The following ZC3H4 variants were observed in gnomAD, a reference collection of about 807,000 sequenced individuals.
ZC3H4 encodes the protein zinc finger CCCH-type containing 4.
Under a neutral mutation model 108.3 loss-of-function variants are expected in ZC3H4, and 13 were observed. The ratio of observed to expected loss-of-function variants is 0.12; its 90% CI spans 0.08 to 0.19. The LOEUF is 0.19. Ranked by LOEUF, ZC3H4 falls within the 10% of genes least tolerant of loss-of-function variation. The pLI, the probability that ZC3H4 is intolerant of heterozygous loss-of-function variation, is 1.00. For missense variants in ZC3H4, 1,734 were observed against 1,838.8 expected, an observed-to-expected ratio of 0.94 and a Z score of 1.04; for synonymous variants, 917 against 749.6, an observed-to-expected ratio of 1.22 and a Z score of -3.65.
At chr19:47,093,894 C>T (rs2057777717) in intron 4 of ZC3H4, 76 bp downstream of exon 4, 2 of 1,337,726 alleles carry the variant, frequency 1.5e-6, no homozygotes, top group East Asian at 2.3e-5. Context: ...GCCCAGAACA[C>T]AGCAAGTGCT....
intron 2 of ZC3H4, among the ~76,000 whole-genome samples, chr19:47,104,645 C>T (rs1186560010): frequency 6.6e-6 from 1 of 152,202 alleles, no homozygotes; most frequent in Non-Finnish European, 1.5e-5. Context: ...TCCAAATAAG[C>T]TTGAAAGTGA....
At position 47,086,279 on chromosome 19, in the gene ZC3H4, C is replaced by T. The variant is rs960066757; in HGVS notation, c.870+105G>A. The T allele has an allele frequency of 1.1e-5, 14 of 1,329,922 alleles. No homozygotes were observed. In the African/African-American group the frequency reaches 1.2e-4, roughly 11 times the overall value. The allele number at this position is 1,329,922 out of a possible 1,614,324, so 82.4% of individuals were successfully genotyped here. A position where few individuals can be genotyped will look rare whatever the true frequency, so the allele number is the denominator to read the frequency against. ...GAGGCTTCCCTTCCTTCAGAAGGGC[C>T]GTATGTCTTCCTACCTTGGCCTCAC... is the stretch of plus-strand genomic sequence containing the variant. On this transcript the variant is annotated intron_variant, in intron 6 of 14. Coordinates refer to ENST00000253048, the MANE Select transcript of ZC3H4 (RefSeq NM_015168.2).
Position 47,090,375 on chromosome 19 carries a change from G to A in ZC3H4, c.493-186C>T, listed in dbSNP as rs564864260. On this transcript the variant is annotated intron_variant, in intron 4 of 14. Transcript: ENST00000253048. ...CGTACCAGGGAGTGGGAGTAGCAGC[G>A]GGCCCAAGTGTTTCTGTTCTTCATA... Among the ~76,000 whole-genome samples the A allele has an allele frequency of 1.1e-4, 17 of 152,224 alleles. No homozygotes were observed. The South Asian group carries it at 1.5e-3, about 13-fold the overall frequency.
Position 47,094,191 on chromosome 19 carries a change from C to T in ZC3H4, c.382-111G>A, listed in dbSNP as rs1031091140. ...ATGTGCCGCAGGGCTCTGCGCTTCACCTGAAACACCTCACCTGGGGCACTT... is the reference window on the plus strand; with the variant it reads ...ATGTGCCGCAGGGCTCTGCGCTTCATCTGAAACACCTCACCTGGGGCACTT... On this transcript the variant is annotated intron_variant, in intron 3 of 14. Transcript: ENST00000253048. The T allele has an allele frequency of 6.0e-6, 7 of 1,165,172 alleles. No homozygotes were observed. In the Admixed American group the frequency reaches 1.2e-4, roughly 20 times the overall value. The allele number at this position is 1,165,172 out of a possible 1,614,324, so 72.2% of individuals were successfully genotyped here.
At chr19:47,069,452 G>A (rs935937883) in intron 13 of ZC3H4, 109 bp from the exon 14 acceptor site, 69 of 1,390,136 alleles carry the variant, frequency 5.0e-5, no homozygotes, top group Middle Eastern at 2.2e-4. Flanking sequence ...GGAGAAGGAC[G>A]CACAGCCTGC....
Position 47,072,898 on chromosome 19 carries a change from C to A in ZC3H4, c.1441-185G>T, listed in dbSNP as rs544502550. Among the ~76,000 whole-genome samples, 5 of 152,258 alleles carry A rather than the reference C, an allele frequency of 3.3e-5. No homozygotes were observed. Among genetic ancestry groups the A allele is most frequent in the Non-Finnish European group, 5.9e-5 (4 of 68,004 alleles). ...ATCAGCCACCTCTCTGCTCCACTCT[C>A]GGGGACCAGCTGGTAGAGGGGGGGC... On this transcript the variant is annotated intron_variant, in intron 11 of 14. Transcript: ENST00000253048. This position sits in a 1 kb window ranked among gnomAD's most constrained non-coding sequence, Gnocchi z 5.6.
Position 47,067,109 on chromosome 19 carries a change from G to C in ZC3H4, c.3159C>G (p.Val1053=), listed in dbSNP as rs780527350. Residue 1053 remains valine (V), a synonymous_variant, in exon 15 of 15, where the codon GTC becomes GTG. Transcript: ENST00000253048. This position sits in a 1 kb window ranked among gnomAD's most constrained non-coding sequence, Gnocchi z 6.4. ...FELLSRILKT[V]NATGSSAAPG... ...GGGCGGCCGAGGAGCCGGTGGCATT[G>C]ACTGTCTTGAGGATGCGAGACAGAA... The C allele has an allele frequency of 6.2e-7, 1 of 1,611,890 alleles. No individual in the cohort carries two copies. The highest frequency in any genetic ancestry group is 1.1e-5 in the South Asian group (1 of 90,846).
At chr19:47,112,277 CGA>C (rs1480401492) in intron 2 of ZC3H4, 145 bp downstream of exon 2, 84 of 1,121,506 alleles carry the variant, frequency 7.5e-5, no homozygotes, top group Non-Finnish European at 8.8e-5. Context: ...AGCAAGCGAT[CGA>C]GAGACACCCA....
intron 2 of ZC3H4, 82 bp from the exon 3 acceptor site, chr19:47,094,690 G>T: frequency 1.4e-6 from 2 of 1,437,440 alleles, no homozygotes; most frequent in Non-Finnish European, 1.9e-6. Flanking sequence ...AAGGCTGACA[G>T]GAACCGAAGG....
intron 6 of ZC3H4, 141 bp from the exon 7 acceptor site, chr19:47,085,555 A>G: frequency 1.4e-6 from 1 of 722,222 alleles, no homozygotes; most frequent in Non-Finnish European, 2.2e-6. Context: ...CAGCCTGACG[A>G]CAGGTGGTCC....
Position 47,084,381 on chromosome 19 carries a change from G to A in ZC3H4, c.1182C>T (p.Val394=). 6.2e-7 allele frequency: 1 copy of A among 1,614,208 alleles called. No individual in the cohort carries two copies. Among genetic ancestry groups the A allele is most frequent in the South Asian group, 1.1e-5 (1 of 91,088 alleles). Reference sequence around the variant, plus strand: ...GCCCTTCCACGAAGTACTTGCAAATGACTTTGCCTTTCTTGTCCGACTGCT... The same window carrying A: ...GCCCTTCCACGAAGTACTTGCAAATAACTTTGCCTTTCTTGTCCGACTGCT... ...PHQQSDKKGK[V]ICKYFVEGRC... Residue 394 remains valine, a synonymous_variant, in exon 9 of 15, where the codon GTC becomes GTT. Transcript: ENST00000253048.
At chr19:47,081,712 T>C (rs2057526782) in intron 10 of ZC3H4, 90 bp from the exon 11 acceptor site, 1 of 1,163,688 alleles carries the variant, frequency 8.6e-7, no homozygotes, top group Non-Finnish European at 1.3e-6. Flanking sequence ...TCCCTTTGTT[T>C]TGGAGATAAG....
intron 2 of ZC3H4, among the ~76,000 whole-genome samples, chr19:47,109,278 G>A (rs527509347): frequency 3.3e-5 from 5 of 152,272 alleles, no homozygotes; most frequent in South Asian, 2.1e-4. Flanking sequence ...ACAATAAACC[G>A]TTGTGTTGAC....
Position 47,069,110 on chromosome 19 carries a change from C to T in ZC3H4, c.2380G>A (p.Asp794Asn). Residue 794 changes from aspartate (D) to asparagine (N), a missense_variant, in exon 14 of 15, where the codon GAC becomes AAC. Physicochemically the swap from Asp to Asn is conservative, Grantham distance 23. Coordinates refer to ENST00000253048, the MANE Select transcript of ZC3H4 (RefSeq NM_015168.2). ...CACGTGCCTTCCTCATTCTCCCGGTCCTGCTTGCTGCTCTCAGCCAGCCTC... is the reference window on the plus strand; with the variant it reads ...CACGTGCCTTCCTCATTCTCCCGGTTCTGCTTGCTGCTCTCAGCCAGCCTC... ...ARRLAESSKQ[D>N]RENEEGDTGN... 1.2e-6 allele frequency: 2 copies of T among 1,604,098 alleles called. No homozygotes were observed. Among genetic ancestry groups the T allele is most frequent in the Non-Finnish European group, 1.7e-6 (2 of 1,179,916 alleles).
Position 47,112,593 on chromosome 19 carries a change from TGGGGG to T in ZC3H4, c.-5-9_-5-5del. On this transcript the variant is annotated splice_region_variant and splice_polypyrimidine_tract_variant and intron_variant, in intron 1 of 14. Coordinates refer to ENST00000253048, the MANE Select transcript of ZC3H4 (RefSeq NM_015168.2). ...CCGGGCGCGGCCTCCATAGTTCCTT[TGGGGG>T]GGAGGGGATGTTAATGCACGAAAAA... 2.6e-6 allele frequency: 3 copies of T among 1,162,382 alleles called. No homozygotes were observed. The highest frequency in any genetic ancestry group is 3.2e-6 in the Non-Finnish European group (3 of 934,756). 72.0% of individuals were successfully genotyped at this position (1,162,382 alleles called of 1,614,324 possible).
In ZC3H4 at chr19:47,094,033, C is replaced by T. The variant is rs2057781293; in HGVS notation, c.429G>A (p.Ser143=). Residue 143 remains serine, a synonymous_variant, in exon 4 of 15, where the codon TCG becomes TCA. Transcript: ENST00000253048. ...SDDFSDFSDD[S]DFSPSEKGHR... is the part of the protein sequence containing the mutation. ...GACCTTTCTCACTGGGGCTGAAATC[C>T]GAGTCATCTGAGAAGTCAGAGAAGT... The T allele has an allele frequency of 1.2e-5, 20 of 1,614,012 alleles. No homozygotes were observed. Among genetic ancestry groups the T allele is most frequent in the East Asian group, 2.2e-5 (1 of 44,880 alleles).
In ZC3H4 at chr19:47,086,548, G is replaced by C. The variant is rs779011132; in HGVS notation, c.716-10C>G. ...CCCCGGCCTCGGCTGCCTGCATGGA[G>C]ATTCAGATAGTGAGCCTCCAGCAGG... On this transcript the variant is annotated splice_polypyrimidine_tract_variant and intron_variant, in intron 5 of 14. Coordinates refer to ENST00000253048, the MANE Select transcript of ZC3H4 (RefSeq NM_015168.2). 1.3e-6 allele frequency: 2 copies of C among 1,570,994 alleles called. No homozygotes were observed. The highest frequency in any genetic ancestry group is 8.6e-7 in the Non-Finnish European group (1 of 1,167,612).
At chr19:47,089,881 A>G (rs1022591992) in intron 5 of ZC3H4, 86 bp downstream of exon 5, 2 of 1,427,190 alleles carry the variant, frequency 1.4e-6, no homozygotes, top group African/African-American at 2.8e-5. Context: ...AAGTGACCAA[A>G]CTTGAGGTTC....
chr19:47,083,836 T>C (rs1217995331), intron 9 of ZC3H4, among the ~76,000 whole-genome samples: 1 of 152,204 alleles, frequency 6.6e-6, no homozygotes, highest in Admixed American at 6.6e-5. Context: ...CCTGGGATAC[T>C]GGGGTAAGAA....
Sources: allele counts gnomAD v4.1 joint callset (sites outside exome capture counted in the v4.1 genomes callset), GRCh38; gene constraint gnomAD v4.1.1; non-coding constraint Gnocchi (gnomAD v3.1); transcripts MANE v1.5; gene names NCBI Gene and HGNC (gene_info 2026-07-23, HGNC 2026-07-21).